Variants in FLRT2 observed in about 807,000 individuals in gnomAD.
The protein encoded by FLRT2 is leucine-rich repeat transmembrane protein FLRT2.
A neutral mutation model predicts 40.0 loss-of-function variants in FLRT2; 15 were observed. The observed-to-expected ratio is 0.38, with a 90% confidence interval of 0.25 to 0.58. FLRT2 has a LOEUF of 0.58. Ranked by LOEUF, FLRT2 falls within the 20% of genes least tolerant of loss-of-function variation. The pLI is 0.71. For missense variants in FLRT2, 726 were observed against 840.0 expected, an observed-to-expected ratio of 0.86 and a Z score of 1.68; for synonymous variants, 380 against 336.8, an observed-to-expected ratio of 1.13 and a Z score of -1.41.
At chr14:85,536,412 G>A (rs551728640) in intron 1 of FLRT2, among the ~76,000 whole-genome samples, 1 of 152,102 alleles carries the variant, frequency 6.6e-6, no homozygotes, top group Admixed American at 6.5e-5. Flanking sequence ...CAAGGGTGCC[G>A]AGCGGCTTTT....
At chr14:85,603,223 T>G (rs1276871642) in intron 1 of FLRT2, among the ~76,000 whole-genome samples, 3 of 152,168 alleles carry the variant, frequency 2.0e-5, no homozygotes, top group African/African-American at 7.2e-5. Flanking sequence ...CTGAAGGTAC[T>G]TGGTACAAGC....
chr14:85,550,735 AT>A (rs11354305), intron 1 of FLRT2, among the ~76,000 whole-genome samples: 31,298 of 151,838 alleles, frequency 0.21, 3,842 homozygotes, highest in African/African-American at 0.33. Context: ...TATAGAACAC[AT>A]TTTTTTTAAC....
At position 85,634,603 on chromosome 14, in the gene FLRT2, G is replaced by T. The variant is rs1893958807; in HGVS notation, c.*11106G>T. On this transcript the variant is annotated 3_prime_UTR_variant, in exon 2 of 2. Coordinates refer to ENST00000330753, the MANE Select transcript of FLRT2 (RefSeq NM_013231.6). Reference sequence around the variant, plus strand: ...GAATCTTTTAAATTCTGAGTCCAATGCTGTCTACATCTAAATTTAAATCCT... The same window carrying T: ...GAATCTTTTAAATTCTGAGTCCAATTCTGTCTACATCTAAATTTAAATCCT... 1 of 152,150 alleles carries T rather than the reference G, an allele frequency of 6.6e-6. No individual in the cohort carries two copies. 9.4% of individuals were successfully genotyped at this position (152,150 alleles called of 1,614,324 possible). A position where few individuals can be genotyped will look rare whatever the true frequency, so the allele number is the denominator to read the frequency against.
At chr14:85,591,472 G>T (rs1341182104) in intron 1 of FLRT2, among the ~76,000 whole-genome samples, 1 of 152,174 alleles carries the variant, frequency 6.6e-6, no homozygotes, top group Admixed American at 6.5e-5. Flanking sequence ...GTATAGATAT[G>T]TTTGAAGTAC....
At position 85,621,658 on chromosome 14, in the gene FLRT2, C is replaced by T; in HGVS notation, c.144C>T (p.Tyr48=). 1.2e-6 allele frequency: 2 copies of T among 1,614,126 alleles called. No individual in the cohort carries two copies. Among genetic ancestry groups the T allele is most frequent in the Non-Finnish European group, 1.7e-6 (2 of 1,180,032 alleles). Residue 48 remains tyrosine (Y), a synonymous_variant, in exon 2 of 2, where the codon TAC becomes TAT. Coordinates refer to ENST00000330753, the MANE Select transcript of FLRT2 (RefSeq NM_013231.6). ...SVCRCDRNFV[Y]CNERSLTSVP... ...GCCGCTGCGACAGGAACTTTGTCTA[C>T]TGTAATGAGCGAAGCTTGACCTCAG...
In FLRT2 at chr14:85,630,902, G is replaced by C. The variant is rs1378354195; in HGVS notation, c.*7405G>C. The C allele has an allele frequency of 6.6e-6, 1 of 151,620 alleles. No individual in the cohort carries two copies. Among genetic ancestry groups the C allele is most frequent in the Non-Finnish European group, 1.5e-5 (1 of 67,990 alleles). The allele number at this position is 151,620 out of a possible 1,614,324, so 9.4% of individuals were successfully genotyped here. A position where few individuals can be genotyped will look rare whatever the true frequency, so the allele number is the denominator to read the frequency against. On this transcript the variant is annotated 3_prime_UTR_variant, in exon 2 of 2. Transcript: ENST00000330753. ...CTTTCCAACACATTGAAGGACAAAG[G>C]GTAATCATAATCTATAAGGAATGCC...
intron 1 of FLRT2, among the ~76,000 whole-genome samples, chr14:85,559,981 G>T (rs1162121533): frequency 6.6e-6 from 1 of 152,126 alleles, no homozygotes; most frequent in East Asian, 1.9e-4. Flanking sequence ...GGCTTTGCCG[G>T]GTCCTCCATC....
At position 85,651,436 on chromosome 14, in the gene FLRT2, TTTTG is replaced by T. The variant is rs1162851260; in HGVS notation, c.*27949_*27952del. 1 of 152,104 alleles carries T rather than the reference TTTTG, an allele frequency of 6.6e-6. No homozygotes were observed. Among genetic ancestry groups the T allele is most frequent in the Non-Finnish European group, 1.5e-5 (1 of 67,990 alleles). The allele number at this position is 152,104 out of a possible 1,614,324, so 9.4% of individuals were successfully genotyped here. A position where few individuals can be genotyped will look rare whatever the true frequency, so the allele number is the denominator to read the frequency against. On this transcript the variant is annotated 3_prime_UTR_variant, in exon 2 of 2. Transcript: ENST00000330753. Reference sequence around the variant, plus strand: ...CATTTTATCTCTCATCACATTTTGTTTTTGTTTGTTTGTGCTGTGAATTATTGAG... The same window carrying T: ...CATTTTATCTCTCATCACATTTTGTTTTTGTTTGTGCTGTGAATTATTGAG...
intron 1 of FLRT2, among the ~76,000 whole-genome samples, chr14:85,596,455 G>A (rs148909006): frequency 6.6e-6 from 1 of 152,236 alleles, no homozygotes; most frequent in East Asian, 1.9e-4. Context: ...TTACAATCAT[G>A]GACCAAAACA....
At chr14:85,567,060 T>A (rs1188563382) in intron 1 of FLRT2, among the ~76,000 whole-genome samples, 1 of 152,162 alleles carries the variant, frequency 6.6e-6, no homozygotes, top group East Asian at 1.9e-4. Flanking sequence ...CATATTTAAA[T>A]GAAAAATGTA....
intron 1 of FLRT2, among the ~76,000 whole-genome samples, chr14:85,603,560 C>T (rs753224411): frequency 2.0e-5 from 3 of 152,124 alleles, no homozygotes; most frequent in African/African-American, 7.2e-5. Flanking sequence ...TCTGTCACAT[C>T]TTGTTAGGTA....
Position 85,603,667 on chromosome 14 carries a change from G to A in FLRT2, c.-376-17472G>A, listed in dbSNP as rs1892480305. Among the ~76,000 whole-genome samples the A allele has an allele frequency of 3.3e-5, 5 of 152,126 alleles. No homozygotes were observed. In the South Asian group the frequency reaches 1.0e-3, roughly 32 times the overall value. On this transcript the variant is annotated intron_variant, in intron 1 of 1. Coordinates refer to ENST00000330753, the MANE Select transcript of FLRT2 (RefSeq NM_013231.6). ...GCAGATCACCTGAGGTCAGGAGTTTGAGACCAGTCTGGCCAACATGGCGAA... is the reference window on the plus strand; with the variant it reads ...GCAGATCACCTGAGGTCAGGAGTTTAAGACCAGTCTGGCCAACATGGCGAA...
intron 1 of FLRT2, among the ~76,000 whole-genome samples, chr14:85,558,700 G>A (rs1890130105): frequency 6.6e-6 from 1 of 152,112 alleles, no homozygotes; most frequent in South Asian, 2.1e-4. Flanking sequence ...CAGATGAAGG[G>A]CAGCCATCAC....
chr14:85,613,180 A>T (rs1401504874), intron 1 of FLRT2, among the ~76,000 whole-genome samples: 1 of 152,108 alleles, frequency 6.6e-6, no homozygotes, highest in African/African-American at 2.4e-5. Flanking sequence ...GTAAAAATTC[A>T]TATTTTTTGT....
At chr14:85,567,042 G>A (rs373473392) in intron 1 of FLRT2, among the ~76,000 whole-genome samples, 2 of 152,138 alleles carry the variant, frequency 1.3e-5, no homozygotes, top group Admixed American at 6.5e-5. Context: ...AGGACACATC[G>A]GTTAGAACAT....
intron 1 of FLRT2, among the ~76,000 whole-genome samples, chr14:85,620,150 C>T (rs1407062060): frequency 2.6e-5 from 4 of 152,094 alleles, no homozygotes; most frequent in Admixed American, 1.3e-4. Context: ...GGAAGGGAGA[C>T]AAGAAGTGGG....
Position 85,627,859 on chromosome 14 carries a change from A to T in FLRT2, c.*4362A>T, listed in dbSNP as rs1893756359. 6.0e-6 allele frequency: 1 copy of T among 167,068 alleles called. No homozygotes were observed. The highest frequency in any genetic ancestry group is 1.5e-5 in the Non-Finnish European group (1 of 68,122). The allele number at this position is 167,068 out of a possible 1,614,324, so 10.3% of individuals were successfully genotyped here. ...CATGTCGCACACTTTGTTAATGACA[A>T]ACTTCACTCTACACTATACAGTACC... On this transcript the variant is annotated 3_prime_UTR_variant, in exon 2 of 2. Transcript: ENST00000330753.
In FLRT2 at chr14:85,550,300, G is replaced by A. The variant is rs143233638; in HGVS notation, c.-377+19766G>A. Among the ~76,000 whole-genome samples the A allele has an allele frequency of 3.6e-3, 551 of 152,212 alleles. 4 individuals carry two copies. The highest frequency in any genetic ancestry group is 0.013 in the African/African-American group (531 of 41,532). ...TTCTACTGGTGGAATTCTCAAGTAC[G>A]AGATTCTAAGAATGAGCATTTACTC... On this transcript the variant is annotated intron_variant, in intron 1 of 1. Transcript: ENST00000330753.
At chr14:85,539,496 G>A (rs1379720954) in intron 1 of FLRT2, among the ~76,000 whole-genome samples, 1 of 152,066 alleles carries the variant, frequency 6.6e-6, no homozygotes, top group Non-Finnish European at 1.5e-5. Context: ...TATGATGTAC[G>A]TATTTGGCAC....
Sources: allele counts gnomAD v4.1 joint callset (sites outside exome capture counted in the v4.1 genomes callset), GRCh38; gene constraint gnomAD v4.1.1; transcripts MANE v1.5; gene names NCBI Gene and HGNC (gene_info 2026-07-23, HGNC 2026-07-21).